Variants in CEPT1 observed in about 807,000 individuals in gnomAD.
CEPT1 encodes choline/ethanolaminephosphotransferase 1.
CEPT1 carries 7 observed loss-of-function variants against 42.6 expected under a neutral mutation model. The ratio of observed to expected loss-of-function variants is 0.16; its 90% CI spans 0.09 to 0.31. The LOEUF is 0.31. Among genes scored for constraint, CEPT1 ranks in the 10% least tolerant of loss-of-function variants. The probability of loss-of-function intolerance (pLI) is 1.00; values close to 1 mark genes in which losing one functional copy is unlikely to be tolerated. For missense variants in CEPT1, 306 were observed against 502.1 expected (o/e 0.61, Z 3.73); for synonymous variants, 171 against 171.9 (o/e 0.99, Z 0.04).
chr1:111,165,090 C>A (rs1656074796), intron 4 of CEPT1, among the ~76,000 whole-genome samples: 1 of 136,118 alleles, frequency 7.3e-6, no homozygotes, highest in Admixed American at 7.9e-5. Context: ...CACTGTGTCG[C>A]CCAGGCTAGA....
intron 1 of CEPT1, among the ~76,000 whole-genome samples, chr1:111,146,407 G>T (rs1654968098): frequency 6.6e-6 from 1 of 151,850 alleles, no homozygotes; most frequent in Non-Finnish European, 1.5e-5. Context: ...TTTCCAACTT[G>T]CCCTTTTGAC....
chr1:111,160,491 T>G (rs1206113900), intron 3 of CEPT1: 1 of 152,370 alleles, frequency 6.6e-6, no homozygotes, highest in African/African-American at 2.4e-5. Flanking sequence ...CAACAGCAGC[T>G]TATTTAGTAG....
intron 7 of CEPT1, 122 bp downstream of exon 7, chr1:111,183,079 T>C (rs993316594): frequency 1.1e-6 from 1 of 912,532 alleles, no homozygotes; most frequent in Non-Finnish European, 1.7e-6. Flanking sequence ...CTAATCAGAA[T>C]CTCTTGATAT....
Position 111,150,198 on chromosome 1 carries a change from G to T in CEPT1, c.339+2145G>T, listed in dbSNP as rs1017221659. Among the ~76,000 whole-genome samples, 3 of 152,158 alleles carry T rather than the reference G, an allele frequency of 2.0e-5. No homozygotes were observed. In the East Asian group the frequency reaches 5.8e-4, roughly 29 times the overall value. Reference sequence around the variant, plus strand: ...GAATGCATTTAAATAGGTCTTGGTTGTTTTCTATGACAAGCTGTTATCTCT... The same window carrying T: ...GAATGCATTTAAATAGGTCTTGGTTTTTTTCTATGACAAGCTGTTATCTCT... On this transcript the variant is annotated intron_variant, in intron 2 of 8. Coordinates refer to ENST00000357172, the MANE Select transcript of CEPT1 (RefSeq NM_006090.5).
chr1:111,161,005 A>T (rs1655842449), intron 3 of CEPT1, 150 bp from the exon 4 acceptor site: 1 of 790,554 alleles, frequency 1.3e-6, no homozygotes, highest in South Asian at 1.7e-5. Context: ...AGATTATGTA[A>T]CAGATTATAT....
intron 4 of CEPT1, among the ~76,000 whole-genome samples, chr1:111,174,307 A>G (rs760484811): frequency 2.6e-5 from 4 of 152,098 alleles, no homozygotes; most frequent in Non-Finnish European, 4.4e-5. Flanking sequence ...TCTTCTTTGC[A>G]GAAGTCTCAG....
At chr1:111,164,556 G>T (rs1325135949) in intron 4 of CEPT1, among the ~76,000 whole-genome samples, 6 of 151,984 alleles carry the variant, frequency 3.9e-5, no homozygotes, top group African/African-American at 1.5e-4. Context: ...ATACTGAATG[G>T]GAGAGTTCAC....
In CEPT1 at chr1:111,147,737, G is replaced by T; in HGVS notation, c.23G>T (p.Arg8Met). MSGHRST[R>M]KRCGDSHPES... The stretch of plus-strand genomic sequence containing the variant: ...TCCATGAGTGGGCATCGATCAACAA[G>T]GAAAAGATGTGGAGATTCTCACCCG... Residue 8 changes from arginine (R) to methionine (M), a missense_variant, in exon 2 of 9, where the codon AGG becomes ATG. Coordinates refer to ENST00000357172, the MANE Select transcript of CEPT1 (RefSeq NM_006090.5). 6.2e-7 allele frequency: 1 copy of T among 1,609,864 alleles called. No homozygotes were observed. The highest frequency in any genetic ancestry group is 8.5e-7 in the Non-Finnish European group (1 of 1,176,928).
chr1:111,145,002 C>T (rs892644481), intron 1 of CEPT1, among the ~76,000 whole-genome samples: 2 of 151,918 alleles, frequency 1.3e-5, no homozygotes, highest in Non-Finnish European at 2.9e-5. Flanking sequence ...GATTTCTCTC[C>T]TTGATTTGAA....
intron 5 of CEPT1, among the ~76,000 whole-genome samples, chr1:111,176,301 C>CT (rs1045657965): frequency 6.6e-6 from 1 of 151,744 alleles, no homozygotes; most frequent in Non-Finnish European, 1.5e-5. Flanking sequence ...TAGACTAGTT[C>CT]TTTTTTTTAA....
intron 2 of CEPT1, among the ~76,000 whole-genome samples, chr1:111,153,488 CTACTT>C (rs1472863811): frequency 9.2e-5 from 14 of 152,164 alleles, no homozygotes; most frequent in South Asian, 2.1e-4. Flanking sequence ...CCTGCTGTCT[CTACTT>C]TAGTTTTTCT....
intron 2 of CEPT1, 45 bp from the exon 3 acceptor site, chr1:111,159,335 A>G (rs765942603): frequency 2.5e-6 from 4 of 1,569,514 alleles, no homozygotes; most frequent in Non-Finnish European, 2.6e-6. Flanking sequence ...CAAACATGGT[A>G]ACTGTGTGTC....
intron 4 of CEPT1, among the ~76,000 whole-genome samples, chr1:111,162,544 T>C (rs188696398): frequency 9.4e-4 from 143 of 152,258 alleles, no homozygotes; most frequent in Non-Finnish European, 8.8e-5. Context: ...GAAACATATG[T>C]GAGGGATTTT....
chr1:111,164,778 C>A (rs1409062859), intron 4 of CEPT1, among the ~76,000 whole-genome samples: 3 of 151,858 alleles, frequency 2.0e-5, no homozygotes, highest in Non-Finnish European at 4.4e-5. Flanking sequence ...GTGCTGCCAC[C>A]ATGCCCAGCT....
chr1:111,183,636 G>T, intron 8 of CEPT1, 49 bp downstream of exon 8: 3 of 1,553,000 alleles, frequency 1.9e-6, no homozygotes, highest in Non-Finnish European at 8.8e-7. Flanking sequence ...TTTGAAGGTT[G>T]CTTGTTTTCT....
At chr1:111,160,300 G>T (rs1409110417) in intron 3 of CEPT1, 6 of 152,140 alleles carry the variant, frequency 3.9e-5, no homozygotes, top group Non-Finnish European at 7.4e-5. Flanking sequence ...TAGTCTTTCT[G>T]ACAGGAACTC....
At chr1:111,160,477 A>G (rs1039722516) in intron 3 of CEPT1, 2 of 152,324 alleles carry the variant, frequency 1.3e-5, no homozygotes, top group African/African-American at 4.8e-5. Flanking sequence ...GCTTCATTGT[A>G]TCCCAACAGC....
chr1:111,153,441 C>T (rs1238640016), intron 2 of CEPT1, among the ~76,000 whole-genome samples: 1 of 152,140 alleles, frequency 6.6e-6, no homozygotes, highest in Non-Finnish European at 1.5e-5. Context: ...GCCTCAGCCT[C>T]CCAGAGTGCT....
chr1:111,146,831 C>T (rs1245960831), intron 1 of CEPT1, among the ~76,000 whole-genome samples: 1 of 151,972 alleles, frequency 6.6e-6, no homozygotes, highest in Non-Finnish European at 1.5e-5. Flanking sequence ...CATCAGGACA[C>T]TCTGCTAATA....
Sources: allele counts gnomAD v4.1 joint callset (sites outside exome capture counted in the v4.1 genomes callset), GRCh38; gene constraint gnomAD v4.1.1; transcripts MANE v1.5; gene names NCBI Gene and HGNC (gene_info 2026-07-23, HGNC 2026-07-21).